Variants in PHKA1 observed in about 807,000 individuals in gnomAD.
PHKA1 encodes phosphorylase b kinase regulatory subunit alpha, skeletal muscle isoform.
In PHKA1, 60 loss-of-function variants were observed where a neutral mutation model predicts 110.2. That is an observed-to-expected ratio of 0.54 (90% CI 0.44 to 0.68). The LOEUF is 0.68. PHKA1 is among the 30% of genes least tolerant of loss of function. The pLI is 0.00. For missense variants in PHKA1, 801 were observed against 942.5 expected (o/e 0.85, Z 1.97); for synonymous variants, 316 against 333.6 (o/e 0.95, Z 0.58).
At chrX:72,682,341 G>A (rs1312928318) in intron 5 of PHKA1, among the ~76,000 whole-genome samples, 9 of 109,689 alleles carry the variant, frequency 8.2e-5, no homozygotes, top group Non-Finnish European at 1.5e-4. Context: ...GGGAGGTGGG[G>A]GGGTCAGCCC....
chrX:72,653,028 A>G (rs1362862891), intron 11 of PHKA1, among the ~76,000 whole-genome samples: 2 of 111,700 alleles, frequency 1.8e-5, no homozygotes, highest in African/African-American at 6.5e-5. Flanking sequence ...ACAATGTTAC[A>G]CCCGACTGGC....
intron 12 of PHKA1, among the ~76,000 whole-genome samples, chrX:72,651,570 A>T: frequency 9.0e-6 from 1 of 111,701 alleles, no homozygotes; most frequent in South Asian, 3.9e-4. Context: ...AATTTTAAAA[A>T]AAGAAAAAAA....
chrX:72,649,407 G>A (rs1442009012), intron 13 of PHKA1, among the ~76,000 whole-genome samples: 3 of 111,596 alleles, frequency 2.7e-5, no homozygotes, highest in African/African-American at 9.8e-5. Flanking sequence ...GCATTTCTTA[G>A]GAGAGGAAAA....
At chrX:72,671,119 T>C (rs1350712572) in intron 6 of PHKA1, among the ~76,000 whole-genome samples, 10 of 110,973 alleles carry the variant, frequency 9.0e-5, no homozygotes, top group African/African-American at 3.3e-4. Context: ...TAAAGGGTAT[T>C]CAATTAGGAA....
intron 3 of PHKA1, among the ~76,000 whole-genome samples, chrX:72,698,946 A>T (rs1556328466): frequency 2.7e-5 from 3 of 112,015 alleles, no homozygotes; most frequent in African/African-American, 9.7e-5. Context: ...TTTCATAAAT[A>T]ATCAGGGTAA....
At chrX:72,629,427 T>C (rs2053132975) in intron 16 of PHKA1, among the ~76,000 whole-genome samples, 1 of 111,878 alleles carries the variant, frequency 8.9e-6, no homozygotes. Context: ...TAAAGTCTCC[T>C]CTATTTCTGT....
At chrX:72,663,491 G>C (rs1187160424) in intron 8 of PHKA1, among the ~76,000 whole-genome samples, 1 of 111,050 alleles carries the variant, frequency 9.0e-6, no homozygotes, top group Non-Finnish European at 1.9e-5. Context: ...CCCAATTCTT[G>C]GGAAAAATAT....
intron 5 of PHKA1, 134 bp from the exon 6 acceptor site, chrX:72,676,284 A>G (rs1387917390): frequency 2.3e-5 from 10 of 436,808 alleles, no homozygotes; most frequent in South Asian, 4.4e-5. Context: ...TATACCCACA[A>G]TGCTTATTAA....
chrX:72,689,416 A>G (rs782234069), intron 4 of PHKA1, among the ~76,000 whole-genome samples: 3 of 111,801 alleles, frequency 2.7e-5, no homozygotes, highest in African/African-American at 6.5e-5. Flanking sequence ...AAATGGAATC[A>G]TACAATATGT....
intron 13 of PHKA1, among the ~76,000 whole-genome samples, chrX:72,648,333 G>A (rs2053385845): frequency 9.0e-6 from 1 of 111,552 alleles, no homozygotes; most frequent in Non-Finnish European, 1.9e-5. Flanking sequence ...AAGACTGTAG[G>A]GGTGGGGAGG....
rs1556284055 is a variant in PHKA1, at chrX:72,628,030, T to C, written c.1715-981A>G. On this transcript the variant is annotated intron_variant, in intron 16 of 31. Transcript: ENST00000373542. ...TTTTTTAGTAGAGACGGGGTTTCAC[T>C]GTGTTAGCCAGGATGGTCTCAATCT... Among the ~76,000 whole-genome samples, 6 of 109,436 alleles carry C rather than the reference T, an allele frequency of 5.5e-5. No homozygotes were observed. In the South Asian group the frequency reaches 2.0e-3, roughly 37 times the overall value.
At chrX:72,592,987 T>A (rs1338705933) in intron 29 of PHKA1, 117 bp downstream of exon 29, 7 of 534,508 alleles carry the variant, frequency 1.3e-5, no homozygotes, top group Non-Finnish European at 2.3e-5. Flanking sequence ...GTTTTGTCTA[T>A]CTGAGTTATG....
rs782753002 is a variant in PHKA1 at position 72,613,500 on chromosome X, T to C, written c.2370-2316A>G. ...TACCCTCTCACTGTATATTCTTTTG[T>C]ACTTAAAAATTTTTGAACCATAGGA... On this transcript the variant is annotated intron_variant, in intron 21 of 31. Transcript: ENST00000373542. 2.7e-5 allele frequency among the ~76,000 whole-genome samples: 3 copies of C among 111,147 alleles called. No individual in the cohort carries two copies. The East Asian group carries it at 8.4e-4, about 31-fold the overall frequency.
chrX:72,609,785 T>A, intron 22 of PHKA1, 82 bp from the exon 23 acceptor site: 1 of 673,352 alleles, frequency 1.5e-6, no homozygotes, highest in South Asian at 2.2e-5. Flanking sequence ...TGAAAAACCT[T>A]TGCTCCTCTT....
At chrX:72,648,268 G>C (rs1235532603) in intron 13 of PHKA1, among the ~76,000 whole-genome samples, 1 of 111,619 alleles carries the variant, frequency 9.0e-6, no homozygotes, top group Non-Finnish European at 1.9e-5. Flanking sequence ...ACTTGTCCTT[G>C]AATAGGAGAA....
intron 21 of PHKA1, among the ~76,000 whole-genome samples, chrX:72,613,542 T>G: frequency 8.9e-6 from 1 of 111,780 alleles, no homozygotes; most frequent in East Asian, 2.8e-4. Flanking sequence ...CTATTCAATA[T>G]ATTAAATTAA....
intron 28 of PHKA1, among the ~76,000 whole-genome samples, chrX:72,593,834 T>C (rs1556230153): frequency 3.6e-5 from 4 of 112,409 alleles, no homozygotes; most frequent in African/African-American, 1.3e-4. Context: ...AAAATACTGA[T>C]GATTTGGGAC....
chrX:72,647,181 C>T (rs1353563247), intron 13 of PHKA1, among the ~76,000 whole-genome samples: 3 of 110,741 alleles, frequency 2.7e-5, no homozygotes, highest in African/African-American at 9.9e-5. Context: ...TGTTGACTAC[C>T]TCCATTAGGA....
intron 4 of PHKA1, among the ~76,000 whole-genome samples, chrX:72,686,095 G>A (rs1025844102): frequency 8.9e-6 from 1 of 112,130 alleles, no homozygotes; most frequent in Non-Finnish European, 1.9e-5. Flanking sequence ...GATGTAAAAT[G>A]ATTGTCAAAT....
Sources: gnomAD v4.1 joint callset for allele counts (sites outside exome capture counted in the v4.1 genomes callset) on GRCh38, gnomAD v4.1.1 for gene constraint, MANE v1.5 for transcripts, NCBI Gene and HGNC (gene_info 2026-07-23, HGNC 2026-07-21) for gene names.